Variants in FBXO42 observed in about 807,000 individuals in gnomAD.
FBXO42 encodes F-box protein 42.
Under a neutral mutation model 71.7 loss-of-function variants are expected in FBXO42, and 12 were observed. The ratio of observed to expected loss-of-function variants is 0.17; its 90% CI spans 0.11 to 0.27. The LOEUF (loss-of-function observed/expected upper bound fraction) is 0.27, where lower values mean the gene tolerates loss of function less well. Ranked by LOEUF, FBXO42 falls within the 10% of genes least tolerant of loss-of-function variation. The pLI, the probability that FBXO42 is intolerant of heterozygous loss-of-function variation, is 1.00. For missense variants in FBXO42, 707 were observed against 911.9 expected (o/e 0.78, Z 2.89); for synonymous variants, 325 against 327.5 (o/e 0.99, Z 0.08).
intron 4 of FBXO42, among the ~76,000 whole-genome samples, chr1:16,290,876 G>C (rs139596323): frequency 3.9e-4 from 60 of 152,282 alleles, no homozygotes; most frequent in African/African-American, 1.4e-3. Context: ...AAGCTACCCA[G>C]TCTATGGTAT....
intron 1 of FBXO42, among the ~76,000 whole-genome samples, chr1:16,319,447 T>C (rs2082395258): frequency 6.6e-6 from 1 of 152,188 alleles, no homozygotes; most frequent in Non-Finnish European, 1.5e-5. Flanking sequence ...AAAGTGGCTA[T>C]TAGAATCTTA....
In FBXO42 at chr1:16,250,706, T is replaced by G. The variant is rs1445257723; in HGVS notation, c.2118A>C (p.Lys706Asn). The G allele has an allele frequency of 6.2e-7, 1 of 1,614,100 alleles. No individual in the cohort carries two copies. ...CTCGTACAAAGTACAAGGCGTTTGT[T>G]TTTGGATAGTACTTCACATTCTGTT... ...DKKQNVKYYP[K>N]TNALYFVRAK... The change falls in exon 10 of 10, where the codon AAA becomes AAC. Residue 706 changes from lysine (K) to asparagine (N), a missense_variant. Transcript: ENST00000375592. The surrounding 1 kb of genome is among the most constrained non-coding windows in gnomAD (Gnocchi z 4.7).
chr1:16,271,258 G>GGTGTGT (rs57827739), intron 4 of FBXO42, among the ~76,000 whole-genome samples: 4,641 of 137,428 alleles, frequency 0.034, 83 homozygotes, highest in East Asian at 0.043. Context: ...TGTGTGTGTT[G>GGTGTGT]GTGTGTGTGT....
chr1:16,278,055 T>C (rs1177906630), intron 4 of FBXO42, among the ~76,000 whole-genome samples: 1 of 127,192 alleles, frequency 7.9e-6, no homozygotes. Context: ...AAATAAATAA[T>C]TTTTAAAAAT....
At position 16,310,287 on chromosome 1, in the gene FBXO42, G is replaced by A. The variant is rs2082299932; in HGVS notation, c.251-4368C>T. On this transcript the variant is annotated intron_variant, in intron 2 of 9. Coordinates refer to ENST00000375592, the MANE Select transcript of FBXO42 (RefSeq NM_018994.3). The stretch of plus-strand genomic sequence containing the variant: ...GAAGCAGGAGAATTCCTTGAACCCA[G>A]GAGGTGGAGGTTGCAATGAGCTGAG... 3.3e-5 allele frequency among the ~76,000 whole-genome samples: 5 copies of A among 152,028 alleles called. No homozygotes were observed. In the South Asian group the frequency reaches 1.0e-3, roughly 32 times the overall value.
chr1:16,303,404 T>G (rs922544677), intron 3 of FBXO42, among the ~76,000 whole-genome samples: 1 of 152,350 alleles, frequency 6.6e-6, no homozygotes, highest in Non-Finnish European at 1.5e-5. Flanking sequence ...GCCTACTTCA[T>G]GTTTATACTG....
chr1:16,322,873 G>A (rs1288163234), intron 1 of FBXO42, among the ~76,000 whole-genome samples: 4 of 152,310 alleles, frequency 2.6e-5, no homozygotes, highest in Middle Eastern at 3.4e-3. Context: ...GAGAAAATCC[G>A]TAACCTAGAA....
At chr1:16,326,521 A>C (rs2082454099) in intron 1 of FBXO42, among the ~76,000 whole-genome samples, 1 of 151,418 alleles carries the variant, frequency 6.6e-6, no homozygotes, top group African/African-American at 2.4e-5. Context: ...CCATCTCTAC[A>C]AAAAATACAA....
intron 1 of FBXO42, among the ~76,000 whole-genome samples, chr1:16,322,105 TG>T (rs2082413757): frequency 1.3e-5 from 2 of 152,076 alleles, no homozygotes; most frequent in Non-Finnish European, 2.9e-5. Context: ...ATCCAGAAAA[TG>T]GTAGATCCTA....
intron 4 of FBXO42, among the ~76,000 whole-genome samples, chr1:16,289,726 T>C (rs1365026100): frequency 2.6e-5 from 4 of 151,916 alleles, no homozygotes; most frequent in African/African-American, 7.2e-5. Context: ...TTAAAGTAGG[T>C]CTCCCCTAAC....
chr1:16,284,220 A>G (rs1252823591), intron 4 of FBXO42, among the ~76,000 whole-genome samples: 1 of 152,226 alleles, frequency 6.6e-6, no homozygotes, highest in African/African-American at 2.4e-5. Flanking sequence ...ATAATTATAC[A>G]TTCACAATTA....
chr1:16,322,551 G>A (rs2082416738), intron 1 of FBXO42, among the ~76,000 whole-genome samples: 1 of 152,134 alleles, frequency 6.6e-6, no homozygotes. Context: ...ACTCCAGCCT[G>A]GGCAACAGAG....
intron 3 of FBXO42, among the ~76,000 whole-genome samples, chr1:16,300,575 C>T (rs984205687): frequency 6.6e-6 from 1 of 152,186 alleles, no homozygotes; most frequent in African/African-American, 2.4e-5. Flanking sequence ...AGGCATTTAT[C>T]CCATGCTTAA....
rs373513903 is a variant in FBXO42, at chr1:16,252,324, A to T, written c.1002T>A (p.His334Gln). 2.4e-5 allele frequency: 39 copies of T among 1,614,114 alleles called. No individual in the cohort carries two copies. The highest frequency in any genetic ancestry group is 2.9e-5 in the Non-Finnish European group (34 of 1,180,052). ...GATGGCACCACAGTTCTGGGGCCCC[A>T]TGCTCTTCATTTTCTACCTTGAGTG... Reference protein sequence around the residue: ...WQPLKVENEEHGAPELWCHPA... With the variant: ...WQPLKVENEEQGAPELWCHPA... The change falls in exon 9 of 10, where the codon CAT (histidine) becomes CAA (glutamine). Residue 334 changes from histidine (H) to glutamine (Q), a missense_variant. This residue lies in a region of FBXO42 where 482 missense variants were observed against 587.1 expected (regional missense o/e 0.82). Transcript: ENST00000375592. This position sits in a 1 kb window ranked among gnomAD's most constrained non-coding sequence, Gnocchi z 4.4.
At chr1:16,333,879 G>T (rs938956713) in intron 1 of FBXO42, among the ~76,000 whole-genome samples, 1 of 152,066 alleles carries the variant, frequency 6.6e-6, no homozygotes, top group African/African-American at 2.4e-5. Context: ...CATTTAAAGG[G>T]ATGGAATCCA....
chr1:16,351,167 G>A (rs907935663), intron 1 of FBXO42, among the ~76,000 whole-genome samples: 5 of 152,172 alleles, frequency 3.3e-5, no homozygotes, highest in African/African-American at 1.2e-4. Flanking sequence ...ATTTTGGTGT[G>A]TCCAAGCAAA....
Position 16,251,702 on chromosome 1 carries a change from A to G in FBXO42, c.1122T>C (p.Pro374=), listed in dbSNP as rs184407581. 2.1e-5 allele frequency: 34 copies of G among 1,614,210 alleles called. No individual in the cohort carries two copies. The East Asian group carries it at 4.9e-4, about 23-fold the overall frequency. ...LSPSLNSRPS[P]ISATPPALVP... ...CGAGAGCTGGAGGAGTGGCACTGAT[A>G]GGTGATGGGCGAGAGTTCAAACTGG... Residue 374 remains proline, a synonymous_variant, in exon 10 of 10, where the codon CCT becomes CCC. Transcript: ENST00000375592. The surrounding 1 kb of genome is among the most constrained non-coding windows in gnomAD (Gnocchi z 4.5).
At position 16,352,261 on chromosome 1, in the gene FBXO42, C is replaced by T; in HGVS notation, c.-24G>A. 2.5e-6 allele frequency: 1 copy of T among 395,502 alleles called. No individual in the cohort carries two copies. Among genetic ancestry groups the T allele is most frequent in the Non-Finnish European group, 4.5e-6 (1 of 224,404 alleles). The allele number at this position is 395,502 out of a possible 1,614,324, so 24.5% of individuals were successfully genotyped here. ...GGAGGAGGAGAGGCCTCACCTGGCC[C>T]AGCCCGCTCCACGCTCTCGGGTTCG... On this transcript the variant is annotated 5_prime_UTR_variant, in exon 1 of 10. Coordinates refer to ENST00000375592, the MANE Select transcript of FBXO42 (RefSeq NM_018994.3).
In FBXO42 at chr1:16,305,841, G is replaced by C; in HGVS notation, c.329C>G (p.Pro110Arg). 6.2e-7 allele frequency: 1 copy of C among 1,614,120 alleles called. No individual in the cohort carries two copies. Among genetic ancestry groups the C allele is most frequent in the Non-Finnish European group, 8.5e-7 (1 of 1,180,004 alleles). ...CTGAGTGATTGGGGTTCCAGGATAA[G>C]GATAGGTACGGCTCTCCCACTGAAT... is the stretch of plus-strand genomic sequence containing the variant. ...GNIQWESRTY[P>R]YPGTPITQRF... Residue 110 changes from proline to arginine, a missense_variant, in exon 3 of 10, where the codon CCT (proline) becomes CGT (arginine). Pro to Arg is a moderately radical substitution (Grantham distance 103). Around this residue, in one of 5 missense-constraint regions of FBXO42, gnomAD observed 188 missense variants for 230.5 expected, o/e 0.82. Coordinates refer to ENST00000375592, the MANE Select transcript of FBXO42 (RefSeq NM_018994.3).
Sources: allele counts gnomAD v4.1 joint callset (sites outside exome capture counted in the v4.1 genomes callset), GRCh38; gene constraint gnomAD v4.1.1; regional missense constraint gnomAD v4.1.1; non-coding constraint Gnocchi (gnomAD v3.1); transcripts MANE v1.5; gene names NCBI Gene and HGNC (gene_info 2026-07-23, HGNC 2026-07-21).